The following PIK3C2G variants were observed in gnomAD, a reference collection of about 807,000 sequenced individuals.
The protein encoded by PIK3C2G is phosphatidylinositol 3-kinase C2 domain-containing subunit gamma.
PIK3C2G carries 168 observed loss-of-function variants against 181.1 expected under a neutral mutation model. That is an observed-to-expected ratio of 0.93 (90% CI 0.82 to 1.05). The LOEUF (loss-of-function observed/expected upper bound fraction) is 1.05. PIK3C2G is among the 50% of genes least tolerant of loss of function. The pLI is 0.00. For synonymous variants in PIK3C2G, 573 were observed against 592.2 expected, an observed-to-expected ratio of 0.97 and a Z score of 0.47; for missense variants, 1,869 against 1,732.8, an observed-to-expected ratio of 1.08 and a Z score of -1.40.
chr12:18,249,719 C>T (rs1416452678), intron 1 of PIK3C2G, among the ~76,000 whole-genome samples: 1 of 152,006 alleles, frequency 6.6e-6, no homozygotes, highest in Non-Finnish European at 1.5e-5. Context: ...TCTACATAGT[C>T]ATTTAGCAAC....
chr12:18,618,453 T>C (rs1475393568), intron 31 of PIK3C2G, among the ~76,000 whole-genome samples: 2 of 152,200 alleles, frequency 1.3e-5, no homozygotes, highest in Non-Finnish European at 2.9e-5. Context: ...TAGAACAGAA[T>C]TTATATTCCT....
chr12:18,556,368 T>C (rs1359525869), intron 26 of PIK3C2G, among the ~76,000 whole-genome samples: 3 of 152,034 alleles, frequency 2.0e-5, no homozygotes, highest in Non-Finnish European at 4.4e-5. Flanking sequence ...ACCTGAGAGA[T>C]AGGAGATGGA....
chr12:18,342,628 A>AT (rs1162372118), intron 9 of PIK3C2G, among the ~76,000 whole-genome samples: 1 of 151,940 alleles, frequency 6.6e-6, no homozygotes, highest in African/African-American at 2.4e-5. Flanking sequence ...AAATCACCTT[A>AT]TACAGTTTTC....
chr12:18,670,482 C>A, the PIK3C2G span, among the ~76,000 whole-genome samples: 1 of 152,116 alleles, frequency 6.6e-6, no homozygotes, highest in Admixed American at 6.5e-5. Context: ...TTCAACTACC[C>A]AAGATGCATT....
chr12:18,644,599 A>C, intron 32 of PIK3C2G, among the ~76,000 whole-genome samples: 1 of 152,160 alleles, frequency 6.6e-6, no homozygotes, highest in East Asian at 1.9e-4. Context: ...TATATGGCAC[A>C]CTCAGTAAGC....
In PIK3C2G at chr12:18,504,325, T is replaced by C. The variant is rs916912664; in HGVS notation, c.3153+908T>C. Among the ~76,000 whole-genome samples, 3 of 152,332 alleles carry C rather than the reference T, an allele frequency of 2.0e-5. No homozygotes were observed. In the East Asian group the frequency reaches 5.8e-4, roughly 29 times the overall value. On this transcript the variant is annotated intron_variant, in intron 23 of 32. Coordinates refer to ENST00000538779, the MANE Select transcript of PIK3C2G (RefSeq NM_001288772.2). ...ACCTTGAAGTCTACTTTTTAGCTGT[T>C]CCCAAAATTATAACTTCAGTTTTGC...
At position 18,562,751 on chromosome 12, in the gene PIK3C2G, G is replaced by A. The variant is rs1319373756; in HGVS notation, c.3639G>A (p.Leu1213=). 1 of 1,606,962 alleles carries A rather than the reference G, an allele frequency of 6.2e-7. No homozygotes were observed. Residue 1213 remains leucine, a synonymous_variant, in exon 27 of 33, where the codon TTG becomes TTA. Coordinates refer to ENST00000538779, the MANE Select transcript of PIK3C2G (RefSeq NM_001288772.2). The part of the protein sequence containing the change: ...LECFPVKLNN[L]IHTLAQMSAI... The stretch of plus-strand genomic sequence containing the variant: ...GTTTCCCTGTTAAATTGAATAACTT[G>A]ATCCACACACTTGCACAAATGTCAG...
intron 16 of PIK3C2G, among the ~76,000 whole-genome samples, chr12:18,412,607 T>A (rs1214828034): frequency 6.6e-6 from 1 of 152,016 alleles, no homozygotes; most frequent in Non-Finnish European, 1.5e-5. Context: ...ATATTATTTA[T>A]GTTAACATAA....
At chr12:18,268,865 A>T (rs1229347810) in intron 1 of PIK3C2G, among the ~76,000 whole-genome samples, 1 of 152,116 alleles carries the variant, frequency 6.6e-6, no homozygotes, top group African/African-American at 2.4e-5. Context: ...CTTATCAAAT[A>T]TATCATTCAC....
At chr12:18,688,081 G>A in the PIK3C2G span, 1 of 1,609,882 alleles carries the variant, frequency 6.2e-7, no homozygotes, top group African/African-American at 1.3e-5. Flanking sequence ...GGTATATCAG[G>A]AGCTCACCAT....
intron 2 of PIK3C2G, chr12:18,285,405 G>C (rs1011532748): frequency 6.6e-6 from 1 of 151,980 alleles, no homozygotes; most frequent in African/African-American, 2.4e-5. Context: ...ATGGAATCTA[G>C]GAAAGAGTGA....
chr12:18,435,770 T>C (rs566758883), intron 18 of PIK3C2G, among the ~76,000 whole-genome samples: 4 of 152,216 alleles, frequency 2.6e-5, no homozygotes, highest in African/African-American at 9.6e-5. Context: ...GAAATGCAGT[T>C]GTTCCCTTGT....
intron 26 of PIK3C2G, among the ~76,000 whole-genome samples, chr12:18,558,588 A>C (rs1488554150): frequency 6.6e-6 from 1 of 152,102 alleles, no homozygotes; most frequent in Non-Finnish European, 1.5e-5. Flanking sequence ...TGTCAGCCAC[A>C]CTGCTGCTCA....
the PIK3C2G span, chr12:18,701,428 T>TA: frequency 9.0e-5 from 144 of 1,604,066 alleles, no homozygotes; most frequent in Non-Finnish European, 1.2e-4. Flanking sequence ...TCCAGAATTT[T>TA]AAAAAAATCT....
intron 18 of PIK3C2G, among the ~76,000 whole-genome samples, chr12:18,434,158 G>C (rs1189254088): frequency 6.6e-6 from 1 of 152,182 alleles, no homozygotes; most frequent in Admixed American, 6.5e-5. Flanking sequence ...GCATCTTCCA[G>C]AGGAAAGGAC....
At chr12:18,541,830 G>A (rs528768198) in intron 25 of PIK3C2G, among the ~76,000 whole-genome samples, 108 of 151,946 alleles carry the variant, frequency 7.1e-4, no homozygotes, top group African/African-American at 2.4e-3. Context: ...AAGTGTACCC[G>A]GCTAAGAGGC....
intron 8 of PIK3C2G, among the ~76,000 whole-genome samples, chr12:18,327,246 C>T (rs1951386802): frequency 6.6e-6 from 1 of 152,020 alleles, no homozygotes; most frequent in African/African-American, 2.4e-5. Flanking sequence ...TAGTAAATAT[C>T]TTAGAAATGA....
chr12:18,483,017 A>C (rs1939709229), intron 18 of PIK3C2G, among the ~76,000 whole-genome samples: 1 of 152,120 alleles, frequency 6.6e-6, no homozygotes, highest in South Asian at 2.1e-4. Context: ...ATATAGGATA[A>C]CTATTATCTC....
At chr12:18,659,768 C>T in the PIK3C2G span, among the ~76,000 whole-genome samples, 2 of 151,160 alleles carry the variant, frequency 1.3e-5, no homozygotes, top group Non-Finnish European at 2.9e-5. Flanking sequence ...TGGTGTGCTG[C>T]ACCCGTTAAC....
Sources: gnomAD v4.1 joint callset for allele counts (sites outside exome capture counted in the v4.1 genomes callset) on GRCh38, gnomAD v4.1.1 for gene constraint, MANE v1.5 for transcripts, NCBI Gene and HGNC (gene_info 2026-07-23, HGNC 2026-07-21) for gene names.